Variants in PMP22 observed in about 807,000 individuals in gnomAD.
The protein encoded by PMP22 is peripheral myelin protein 22, also known as Charcot-Marie-Tooth neuropathy 1A (greatly reduced nerve conduction velocity, hereditary motor sensory neuropathy Ia).
A neutral mutation model predicts 18.9 loss-of-function variants in PMP22; 2 were observed. That is an observed-to-expected ratio of 0.11 (90% CI 0.04 to 0.33). PMP22 has a LOEUF of 0.33. PMP22 is among the 10% of genes least tolerant of loss of function. The pLI, the probability that PMP22 is intolerant of heterozygous loss-of-function variation, is 1.00. For synonymous variants in PMP22, 95 were observed against 89.2 expected (o/e 1.07, Z -0.37); for missense variants, 169 against 202.2 (o/e 0.84, Z 1.00).
At chr17:15,233,580 G>GGAAT (rs1239681838) in intron 4 of PMP22, among the ~76,000 whole-genome samples, 1 of 152,178 alleles carries the variant, frequency 6.6e-6, no homozygotes, top group African/African-American at 2.4e-5. Flanking sequence ...AGTAGCTGAG[G>GGAAT]GAATTCCCAG....
intron 1 of PMP22, among the ~76,000 whole-genome samples, chr17:15,264,547 T>G (rs1053118140): frequency 6.6e-6 from 1 of 152,220 alleles, no homozygotes; most frequent in African/African-American, 2.4e-5. Context: ...TTTAATAAAG[T>G]CTAATACACA....
chr17:15,231,916 C>T (rs748178835), intron 4 of PMP22, among the ~76,000 whole-genome samples: 1 of 152,148 alleles, frequency 6.6e-6, no homozygotes, highest in Non-Finnish European at 1.5e-5. Context: ...GTGGAGCAGC[C>T]ACGCTCAAAC....
chr17:15,241,557 C>T (rs1038968698), intron 3 of PMP22, among the ~76,000 whole-genome samples: 28 of 152,064 alleles, frequency 1.8e-4, no homozygotes, highest in African/African-American at 6.0e-4. Flanking sequence ...CTTAACCCCG[C>T]GCCCCTGTCA....
intron 4 of PMP22, among the ~76,000 whole-genome samples, chr17:15,231,984 G>A (rs1173117277): frequency 6.6e-6 from 1 of 152,108 alleles, no homozygotes; most frequent in African/African-American, 2.4e-5. Flanking sequence ...GTCCAGTGAT[G>A]TCAGCACCCC....
intron 3 of PMP22, among the ~76,000 whole-genome samples, chr17:15,246,019 C>CAA (rs58149809): frequency 0.014 from 1,861 of 128,966 alleles, 33 homozygotes; most frequent in East Asian, 0.058. Context: ...AGACTCGTCT[C>CAA]AAAAAAAAAA....
At chr17:15,255,257 G>A (rs1908725059) in intron 3 of PMP22, among the ~76,000 whole-genome samples, 1 of 152,168 alleles carries the variant, frequency 6.6e-6, no homozygotes, top group African/African-American at 2.4e-5. Flanking sequence ...TTTGCTGCCA[G>A]GTTTCTATGA....
intron 3 of PMP22, among the ~76,000 whole-genome samples, chr17:15,240,401 C>T (rs965496104): frequency 1.4e-5 from 2 of 142,314 alleles, no homozygotes; most frequent in Admixed American, 7.6e-5. Flanking sequence ...CTTGGACAAC[C>T]CGTATTTTTT....
intron 3 of PMP22, among the ~76,000 whole-genome samples, chr17:15,253,626 C>T (rs560786596): frequency 2.4e-4 from 37 of 152,108 alleles, no homozygotes; most frequent in Non-Finnish European, 4.7e-4. Flanking sequence ...TGGGGGGTAC[C>T]TTTGAGATGG....
At chr17:15,260,783 T>A in intron 1 of PMP22, 22 bp from the exon 2 acceptor site, 1 of 1,466,056 alleles carries the variant, frequency 6.8e-7, no homozygotes, top group Admixed American at 2.0e-5. Context: ...GCGCTGGGCG[T>A]GAGGCCGAAC....
intron 4 of PMP22, 170 bp downstream of exon 4, chr17:15,239,301 A>G (rs1907079222): frequency 9.4e-6 from 7 of 741,310 alleles, no homozygotes; most frequent in Non-Finnish European, 1.7e-5. Flanking sequence ...TAAGACACAT[A>G]CAGGTACACA....
At chr17:15,262,143 C>T (rs1002774508) in intron 1 of PMP22, among the ~76,000 whole-genome samples, 1 of 152,232 alleles carries the variant, frequency 6.6e-6, no homozygotes, top group African/African-American at 2.4e-5. Context: ...CCAGAGTCAA[C>T]GCCTCTTCAG....
At chr17:15,255,339 G>A (rs1197761105) in intron 3 of PMP22, among the ~76,000 whole-genome samples, 5 of 152,164 alleles carry the variant, frequency 3.3e-5, no homozygotes, top group African/African-American at 1.2e-4. Context: ...AGGTGTAGGT[G>A]TGACCATGTC....
At chr17:15,264,856 T>C (rs1909605735) in intron 1 of PMP22, among the ~76,000 whole-genome samples, 1 of 152,212 alleles carries the variant, frequency 6.6e-6, no homozygotes, top group Non-Finnish European at 1.5e-5. Flanking sequence ...CAGCTGTGTG[T>C]GCACAGCTAT....
intron 3 of PMP22, among the ~76,000 whole-genome samples, chr17:15,243,688 T>C (rs1057466916): frequency 6.8e-6 from 1 of 147,934 alleles, no homozygotes; most frequent in Non-Finnish European, 1.5e-5. Context: ...ATATATACAA[T>C]ATATAATTAT....
chr17:15,250,046 G>A (rs1453865842), intron 3 of PMP22, among the ~76,000 whole-genome samples: 1 of 152,168 alleles, frequency 6.6e-6, no homozygotes, highest in African/African-American at 2.4e-5. Context: ...CTCCCGAGTA[G>A]CTGGGACTAC....
At chr17:15,235,347 T>G in intron 4 of PMP22, 1 of 717,204 alleles carries the variant, frequency 1.4e-6, no homozygotes, top group Non-Finnish European at 2.6e-6. Flanking sequence ...GGCTCCTCTA[T>G]GTGCCCCACA....
At chr17:15,247,067 C>CA (rs144096552) in intron 3 of PMP22, among the ~76,000 whole-genome samples, 7 of 69,090 alleles carry the variant, frequency 1.0e-4, no homozygotes, top group East Asian at 8.6e-4. Context: ...AGACTCGTCT[C>CA]AAAAAAAAAA....
chr17:15,243,379 T>C (rs1237436953), intron 3 of PMP22, among the ~76,000 whole-genome samples: 1 of 151,874 alleles, frequency 6.6e-6, no homozygotes, highest in Non-Finnish European at 1.5e-5. Context: ...TTCAATGCTG[T>C]CCTAATCCAT....
chr17:15,251,806 A>T (rs1376415171), intron 3 of PMP22: 1 of 151,968 alleles, frequency 6.6e-6, no homozygotes, highest in Non-Finnish European at 1.5e-5. Context: ...CCTGAAATGC[A>T]AGGGATGTTT....
Sources: gnomAD v4.1 joint callset for allele counts (sites outside exome capture counted in the v4.1 genomes callset) on GRCh38, gnomAD v4.1.1 for gene constraint, MANE v1.5 for transcripts, NCBI Gene and HGNC (gene_info 2026-07-23, HGNC 2026-07-21) for gene names.